Variants in AGBL4 observed in about 807,000 individuals in gnomAD.
AGBL4 encodes the protein cytosolic carboxypeptidase 6.
AGBL4 carries 58 observed loss-of-function variants against 66.4 expected under a neutral mutation model. The ratio of observed to expected loss-of-function variants is 0.87; its 90% CI spans 0.71 to 1.09. The LOEUF is 1.09. Ranked by LOEUF, AGBL4 falls within the 50% of genes least tolerant of loss-of-function variation. The pLI is 0.00. For missense variants in AGBL4, 579 were observed against 631.0 expected, an observed-to-expected ratio of 0.92 and a Z score of 0.88; for synonymous variants, 234 against 222.9, an observed-to-expected ratio of 1.05 and a Z score of -0.44.
At chr1:49,540,366 C>T (rs192841276) in intron 3 of AGBL4, among the ~76,000 whole-genome samples, 10 of 152,324 alleles carry the variant, frequency 6.6e-5, no homozygotes, top group Admixed American at 1.3e-4. Context: ...AAGTCTAACT[C>T]AAATGCCAAC....
chr1:48,899,301 A>G (rs1295166078), intron 5 of AGBL4, among the ~76,000 whole-genome samples: 3 of 152,256 alleles, frequency 2.0e-5, no homozygotes, highest in Non-Finnish European at 4.4e-5. Context: ...GGCCTGTCCA[A>G]CTTCTCTTGC....
At chr1:49,187,260 A>G (rs1228021646) in intron 4 of AGBL4, 1 of 152,152 alleles carries the variant, frequency 6.6e-6, no homozygotes, top group Non-Finnish European at 1.5e-5. Flanking sequence ...TAGGATACTA[A>G]TGAGTTTTCG....
intron 3 of AGBL4, among the ~76,000 whole-genome samples, chr1:49,447,221 T>C (rs1360895427): frequency 6.6e-6 from 1 of 152,186 alleles, no homozygotes; most frequent in Non-Finnish European, 1.5e-5. Context: ...ACTGCTAGAA[T>C]GAGGTCACTT....
At chr1:48,763,191 G>C (rs1449789017) in intron 6 of AGBL4, among the ~76,000 whole-genome samples, 1 of 152,128 alleles carries the variant, frequency 6.6e-6, no homozygotes, top group Non-Finnish European at 1.5e-5. Flanking sequence ...AAAAGAGGTG[G>C]TCTTTGTTAA....
chr1:49,853,507 T>A lies in AGBL4; in HGVS notation c.35-1989A>T, dbSNP rs377025903. On this transcript the variant is annotated intron_variant, in intron 1 of 13. Coordinates refer to ENST00000371839, the MANE Select transcript of AGBL4 (RefSeq NM_032785.4). ...AGCATCCAAGAGCTGTGGAACAATA[T>A]CAACCAATCTAAAATATATGTATAA... is the stretch of plus-strand genomic sequence containing the variant. Among the ~76,000 whole-genome samples, 49 of 152,110 alleles carry A rather than the reference T, an allele frequency of 3.2e-4. 1 individual carries two copies. The South Asian group carries it at 9.3e-3, about 29-fold the overall frequency.
chr1:49,958,818 T>C (rs1656870137), intron 1 of AGBL4, among the ~76,000 whole-genome samples: 1 of 151,690 alleles, frequency 6.6e-6, no homozygotes, highest in Non-Finnish European at 1.5e-5. Flanking sequence ...GTTGTGCACA[T>C]GTACCCTAGA....
At chr1:48,776,766 G>T in intron 6 of AGBL4, 1 of 1,525,410 alleles carries the variant, frequency 6.6e-7, no homozygotes, top group Non-Finnish European at 8.8e-7. Context: ...GGCTGAAGTC[G>T]CGCACGCACG....
intron 1 of AGBL4, among the ~76,000 whole-genome samples, chr1:49,865,371 T>C (rs1165521284): frequency 1.3e-5 from 2 of 152,122 alleles, no homozygotes; most frequent in East Asian, 1.9e-4. Context: ...AGTGCCCCTC[T>C]GAAATGGAGC....
At chr1:49,950,869 C>G (rs953784230) in intron 1 of AGBL4, among the ~76,000 whole-genome samples, 1 of 151,516 alleles carries the variant, frequency 6.6e-6, no homozygotes, top group Non-Finnish European at 1.5e-5. Context: ...AAAGAAAATG[C>G]GAAAATGTAG....
chr1:48,572,678 G>C (rs75752903), intron 11 of AGBL4, among the ~76,000 whole-genome samples: 1 of 152,082 alleles, frequency 6.6e-6, no homozygotes, highest in African/African-American at 2.4e-5. Flanking sequence ...GAGAGACCTG[G>C]GAGAACTGAA....
At chr1:49,220,486 G>A (rs981052540) in intron 4 of AGBL4, among the ~76,000 whole-genome samples, 1 of 152,112 alleles carries the variant, frequency 6.6e-6, no homozygotes, top group Non-Finnish European at 1.5e-5. Context: ...GAAAAGATTT[G>A]ATTATAAGAC....
At chr1:48,756,181 T>C (rs1463050625) in intron 6 of AGBL4, among the ~76,000 whole-genome samples, 1 of 152,228 alleles carries the variant, frequency 6.6e-6, no homozygotes, top group Non-Finnish European at 1.5e-5. Flanking sequence ...ACATGCTCTT[T>C]GCCTAAATTG....
At chr1:48,650,529 C>A (rs1222330097) in intron 8 of AGBL4, among the ~76,000 whole-genome samples, 2 of 151,884 alleles carry the variant, frequency 1.3e-5, no homozygotes, top group Non-Finnish European at 2.9e-5. Flanking sequence ...TCCCTCTCTC[C>A]CTCCCCCACC....
At chr1:48,562,724 CAG>C (rs1644414358) in intron 11 of AGBL4, among the ~76,000 whole-genome samples, 1 of 152,136 alleles carries the variant, frequency 6.6e-6, no homozygotes, top group Admixed American at 6.6e-5. Flanking sequence ...ATTTGAGACT[CAG>C]AGAGATAAGG....
chr1:49,226,557 C>T (rs941952074), intron 4 of AGBL4, among the ~76,000 whole-genome samples: 2 of 152,070 alleles, frequency 1.3e-5, no homozygotes, highest in Non-Finnish European at 2.9e-5. Flanking sequence ...ATTCTTTTAC[C>T]TGAATGCTTC....
intron 2 of AGBL4, among the ~76,000 whole-genome samples, chr1:49,710,829 T>C (rs183466293): frequency 1.5e-4 from 23 of 151,894 alleles, no homozygotes; most frequent in Admixed American, 7.2e-4. Flanking sequence ...AGAAGATACT[T>C]GTTACACAGA....
intron 5 of AGBL4, among the ~76,000 whole-genome samples, chr1:48,922,513 T>C (rs1269344363): frequency 6.6e-6 from 1 of 152,144 alleles, no homozygotes; most frequent in Admixed American, 6.5e-5. Flanking sequence ...ACTGAAGAAA[T>C]GACAACTCAG....
chr1:49,874,932 G>A (rs1439852428), intron 1 of AGBL4, among the ~76,000 whole-genome samples: 4 of 142,924 alleles, frequency 2.8e-5, no homozygotes, highest in Middle Eastern at 4.3e-3. Context: ...CCACTAACTT[G>A]TCATCTAGCA....
At chr1:49,048,743 A>T (rs575880724) in intron 4 of AGBL4, among the ~76,000 whole-genome samples, 1 of 152,096 alleles carries the variant, frequency 6.6e-6, no homozygotes, top group Admixed American at 6.5e-5. Flanking sequence ...CCTCATAATA[A>T]CCTTATGAGC....
Sources: gnomAD v4.1 joint callset for allele counts (sites outside exome capture counted in the v4.1 genomes callset) on GRCh38, gnomAD v4.1.1 for gene constraint, MANE v1.5 for transcripts, NCBI Gene and HGNC (gene_info 2026-07-23, HGNC 2026-07-21) for gene names.